HERC4: variants seen among roughly 807,000 people sequenced by gnomAD.
HERC4 encodes the protein HECT and RLD domain containing E3 ubiquitin protein ligase 4.
HERC4 carries 28 observed loss-of-function variants against 124.3 expected under a neutral mutation model. The observed-to-expected ratio is 0.23, with a 90% CI of 0.17 to 0.31. The LOEUF is 0.31. HERC4 is among the 10% of genes least tolerant of loss of function. The pLI is 1.00. For missense variants in HERC4, 713 were observed against 1,229.3 expected (o/e 0.58, Z 6.28); for synonymous variants, 407 against 421.5 (o/e 0.97, Z 0.42).
chr10:68,008,918 C>G (rs529217371), intron 9 of HERC4, among the ~76,000 whole-genome samples: 1 of 152,270 alleles, frequency 6.6e-6, no homozygotes, highest in African/African-American at 2.4e-5. Flanking sequence ...TCATAGTGCA[C>G]ATAAAAGTAT....
In HERC4 at chr10:68,014,151, C is replaced by G; in HGVS notation, c.944G>C (p.Arg315Pro). ...ACCACCAAGCCCAAAAGAGTAAATT[C>G]GTCCTGATGAAGGAACAAAAGCAGA... ...HTSAFVPSSG[R>P]IYSFGLGGNG... The change falls in exon 9 of 25, where the codon CGA becomes CCA. Residue 315 changes from arginine to proline, a missense_variant. By Grantham distance (103) the Arg-to-Pro change is moderately radical. Coordinates refer to ENST00000373700, the MANE Select transcript of HERC4 (RefSeq NM_015601.4). 6.2e-7 allele frequency: 1 copy of G among 1,612,730 alleles called. No individual in the cohort carries two copies. Among genetic ancestry groups the G allele is most frequent in the Non-Finnish European group, 8.5e-7 (1 of 1,179,566 alleles).
At chr10:68,051,526 T>A (rs543440390) in intron 3 of HERC4, among the ~76,000 whole-genome samples, 99 of 151,230 alleles carry the variant, frequency 6.5e-4, no homozygotes, top group South Asian at 1.5e-3. Flanking sequence ...TTTTTGGTTT[T>A]TTTTTTGTAT....
chr10:67,954,658 C>CA lies in HERC4; in HGVS notation c.2273dup (p.Leu758PhefsTer4), dbSNP rs767592707. ...ACCTAAACATGCCGTATTTAGGATC[C>CA]AATAATTCCCTCATGATGAGCAAGA... On this transcript the variant is annotated frameshift_variant, in exon 19 of 25. Coordinates refer to ENST00000373700, the MANE Select transcript of HERC4 (RefSeq NM_015601.4). LOFTEE classifies it high-confidence loss of function. 2 of 1,613,468 alleles carry CA rather than the reference C, an allele frequency of 1.2e-6. No individual in the cohort carries two copies. Among genetic ancestry groups the CA allele is most frequent in the Non-Finnish European group, 1.7e-6 (2 of 1,179,748 alleles).
intron 22 of HERC4, among the ~76,000 whole-genome samples, chr10:67,935,373 G>A (rs767035462): frequency 1.3e-5 from 2 of 151,960 alleles, no homozygotes; most frequent in Non-Finnish European, 2.9e-5. Flanking sequence ...TCTCGTTGTC[G>A]TGACCTCGTG....
intron 16 of HERC4, chr10:67,964,980 G>C (rs2034770479): frequency 6.6e-6 from 1 of 152,100 alleles, no homozygotes; most frequent in Admixed American, 6.6e-5. Context: ...CACTATGTTG[G>C]TCAGGCTGGT....
intron 9 of HERC4, chr10:67,996,021 C>T: frequency 3.2e-6 from 1 of 315,636 alleles, no homozygotes; most frequent in Non-Finnish European, 6.2e-6. Context: ...TAAAATTCCT[C>T]TCCGCTGGGC....
At chr10:68,033,628 AC>A in intron 6 of HERC4, among the ~76,000 whole-genome samples, 1 of 152,238 alleles carries the variant, frequency 6.6e-6, no homozygotes. Flanking sequence ...AAAGATTAAC[AC>A]TTCATGTTAC....
At chr10:68,015,690 T>C (rs968007235) in intron 8 of HERC4, among the ~76,000 whole-genome samples, 2 of 152,224 alleles carry the variant, frequency 1.3e-5, no homozygotes, top group Non-Finnish European at 2.9e-5. Context: ...AATGTATTAA[T>C]AGTTTGAAAA....
Position 68,023,825 on chromosome 10 carries a change from C to G in HERC4, c.908+1721G>C, listed in dbSNP as rs76376861. Among the ~76,000 whole-genome samples the G allele has an allele frequency of 5.8e-3, 884 of 152,238 alleles. 13 individuals carry two copies. Among genetic ancestry groups the G allele is most frequent in the African/African-American group, 0.02 (849 of 41,552 alleles). On this transcript the variant is annotated intron_variant, in intron 8 of 24. Coordinates refer to ENST00000373700, the MANE Select transcript of HERC4 (RefSeq NM_015601.4). Reference sequence around the variant, plus strand: ...TGTCCTCCACAAAATAAATCAACTTCAGATAACTTACAGACCTCCATGTAA... The same window carrying G: ...TGTCCTCCACAAAATAAATCAACTTGAGATAACTTACAGACCTCCATGTAA...
At chr10:67,948,037 G>C (rs2033517396) in intron 19 of HERC4, among the ~76,000 whole-genome samples, 1 of 151,038 alleles carries the variant, frequency 6.6e-6, no homozygotes, top group Admixed American at 6.6e-5. Flanking sequence ...GAAATCACAA[G>C]GGAAATTAGA....
At chr10:68,010,673 G>A (rs567709647) in intron 9 of HERC4, 2 of 1,474,124 alleles carry the variant, frequency 1.4e-6, no homozygotes, top group Non-Finnish European at 9.4e-7. Context: ...TCTGCAGCAA[G>A]GGCCGCGCCG....
rs535347038 is a variant in HERC4 at position 68,021,154 on chromosome 10, T to G, written c.908+4392A>C. 2.6e-4 allele frequency among the ~76,000 whole-genome samples: 40 copies of G among 152,296 alleles called. No individual in the cohort carries two copies. The East Asian group carries it at 5.4e-3, about 21-fold the overall frequency. ...GAGACACACAGTTCAATCAAAATGC[T>G]GAAAGACAAAGAATCTTGAAAGCAG... On this transcript the variant is annotated intron_variant, in intron 8 of 24. Transcript: ENST00000373700.
intron 3 of HERC4, chr10:68,069,592 T>C (rs2041467907): frequency 3.0e-6 from 3 of 985,420 alleles, no homozygotes; most frequent in Non-Finnish European, 3.6e-6. Context: ...CAGTAGGTTA[T>C]TATGAATCTC....
In HERC4 at chr10:68,038,822, G is replaced by A. The variant is rs1202870782; in HGVS notation, c.387-653C>T. 4.6e-5 allele frequency among the ~76,000 whole-genome samples: 7 copies of A among 152,036 alleles called. No individual in the cohort carries two copies. The East Asian group carries it at 1.3e-3, about 29-fold the overall frequency. On this transcript the variant is annotated intron_variant, in intron 4 of 24. Transcript: ENST00000373700. ...TCTTGTATTTTGTCCTTATACTTTCGTAATTTCCTTCCCCCCTTTCCTGAG... is the reference window on the plus strand; with the variant it reads ...TCTTGTATTTTGTCCTTATACTTTCATAATTTCCTTCCCCCCTTTCCTGAG...
At chr10:67,975,379 C>T (rs1420565483) in intron 15 of HERC4, among the ~76,000 whole-genome samples, 1 of 152,122 alleles carries the variant, frequency 6.6e-6, no homozygotes, top group Non-Finnish European at 1.5e-5. Context: ...AGTAACAGAG[C>T]CAGAAATATA....
intron 23 of HERC4, among the ~76,000 whole-genome samples, chr10:67,929,023 T>C (rs535109438): frequency 1.3e-5 from 2 of 152,362 alleles, no homozygotes; most frequent in African/African-American, 2.4e-5. Context: ...CCTTACTTTC[T>C]GTCTTCCAAA....
intron 16 of HERC4, among the ~76,000 whole-genome samples, chr10:67,964,636 C>G (rs1202115631): frequency 2.0e-5 from 3 of 152,198 alleles, no homozygotes; most frequent in Admixed American, 6.6e-5. Flanking sequence ...TAAGTTTCCC[C>G]TGTTTATCAT....
At chr10:67,960,785 T>C (rs2034466246) in intron 16 of HERC4, 1 of 243,222 alleles carries the variant, frequency 4.1e-6, no homozygotes, top group East Asian at 1.5e-4. Context: ...CTAGAACTAC[T>C]ACCTTCACCA....
chr10:67,934,444 C>T (rs1205431292), intron 22 of HERC4, among the ~76,000 whole-genome samples: 8 of 152,048 alleles, frequency 5.3e-5, no homozygotes, highest in African/African-American at 1.2e-4. Flanking sequence ...ATTTCTAAAT[C>T]GACACAGTTA....
Sources: allele counts gnomAD v4.1 joint callset (sites outside exome capture counted in the v4.1 genomes callset), GRCh38; gene constraint gnomAD v4.1.1; transcripts MANE v1.5; gene names NCBI Gene and HGNC (gene_info 2026-07-23, HGNC 2026-07-21).